Variants in PCGF5 observed in about 807,000 individuals in gnomAD.
PCGF5 encodes polycomb group ring finger 5, also known as polycomb group RING finger protein 5.
Under a neutral mutation model 44.3 loss-of-function variants are expected in PCGF5, and 9 were observed. The ratio of observed to expected loss-of-function variants is 0.20; its 90% CI spans 0.12 to 0.35. The LOEUF is 0.35. Among genes scored for constraint, PCGF5 ranks in the 10% least tolerant of loss-of-function variants. PCGF5 has a pLI of 1.00. For missense variants in PCGF5, 146 were observed against 305.3 expected (o/e 0.48, Z 3.89); for synonymous variants, 95 against 102.5 (o/e 0.93, Z 0.44).
At chr10:91,258,093 CA>C (rs1190957664) in intron 6 of PCGF5, among the ~76,000 whole-genome samples, 7 of 151,882 alleles carry the variant, frequency 4.6e-5, no homozygotes, top group African/African-American at 1.7e-4. Context: ...AATATCCAGA[CA>C]AGGATAAAGA....
At chr10:91,244,793 G>A (rs564377442) in intron 3 of PCGF5, among the ~76,000 whole-genome samples, 18 of 152,280 alleles carry the variant, frequency 1.2e-4, no homozygotes, top group African/African-American at 3.4e-4. Flanking sequence ...ATGACTTTAA[G>A]ATTTCTGACC....
At chr10:91,215,728 A>G (rs1212036624), upstream of PCGF5, among the ~76,000 whole-genome samples, 4 of 152,232 alleles carry the variant, frequency 2.6e-5, no homozygotes, top group Admixed American at 6.5e-5. Context: ...ATTCATTTGT[A>G]ACTGGCAGAG....
At chr10:91,172,881 C>T (rs767519082) in intron 1 of PCGF5, among the ~76,000 whole-genome samples, 24 of 152,176 alleles carry the variant, frequency 1.6e-4, no homozygotes, top group Non-Finnish European at 2.6e-4. Flanking sequence ...GGACTACTAG[C>T]TTTGAGATCC....
At chr10:91,189,187 C>A (rs1204943553) in intron 1 of PCGF5, among the ~76,000 whole-genome samples, 1 of 152,216 alleles carries the variant, frequency 6.6e-6, no homozygotes, top group African/African-American at 2.4e-5. Context: ...TCTTCTTTGC[C>A]TGGCAAAATC....
intron 7 of PCGF5, among the ~76,000 whole-genome samples, chr10:91,263,521 A>C (rs1005711891): frequency 6.6e-6 from 1 of 152,184 alleles, no homozygotes; most frequent in Non-Finnish European, 1.5e-5. Context: ...TTTAAAACTC[A>C]TTCTTCTTCC....
At chr10:91,179,870 T>A (rs187955539) in intron 1 of PCGF5, among the ~76,000 whole-genome samples, 1 of 152,350 alleles carries the variant, frequency 6.6e-6, no homozygotes, top group Non-Finnish European at 1.5e-5. Flanking sequence ...TACCCAGTAA[T>A]GGGATTGCTG....
chr10:91,191,221 G>T (rs1361323826), intron 1 of PCGF5, among the ~76,000 whole-genome samples: 1 of 152,166 alleles, frequency 6.6e-6, no homozygotes. Context: ...ATAACAATAT[G>T]CAAGCATCAC....
intron 1 of PCGF5, among the ~76,000 whole-genome samples, chr10:91,189,740 C>G (rs917007818): frequency 6.6e-6 from 1 of 152,172 alleles, no homozygotes; most frequent in Admixed American, 6.5e-5. Flanking sequence ...TCGCTTAGGC[C>G]TTCTTGCCTG....
At chr10:91,182,983 G>A (rs142498816) in intron 1 of PCGF5, among the ~76,000 whole-genome samples, 3 of 152,262 alleles carry the variant, frequency 2.0e-5, no homozygotes, top group African/African-American at 7.2e-5. Context: ...CCAAGAGACT[G>A]TTTGTTACTA....
intron 7 of PCGF5, among the ~76,000 whole-genome samples, chr10:91,263,064 T>C (rs1845961907): frequency 6.6e-6 from 1 of 152,218 alleles, no homozygotes; most frequent in African/African-American, 2.4e-5. Context: ...CCTCCTTATG[T>C]ATCCCAATGC....
At chr10:91,192,669 A>G (rs1844054433) in intron 1 of PCGF5, among the ~76,000 whole-genome samples, 1 of 152,230 alleles carries the variant, frequency 6.6e-6, no homozygotes, top group Admixed American at 6.5e-5. Context: ...TCAGGAAACG[A>G]CATACAATAA....
At chr10:91,193,439 TG>T (rs1032291888) in intron 1 of PCGF5, among the ~76,000 whole-genome samples, 3 of 90,652 alleles carry the variant, frequency 3.3e-5, no homozygotes, top group Non-Finnish European at 6.7e-5. Flanking sequence ...CTAAAAGGGA[TG>T]GGGGGGTGGG....
intron 6 of PCGF5, among the ~76,000 whole-genome samples, chr10:91,255,189 AT>A (rs1359956188): frequency 6.6e-6 from 1 of 152,118 alleles, no homozygotes; most frequent in East Asian, 1.9e-4. Context: ...GGAAAGGGGC[AT>A]TTGTCAAAAA....
chr10:91,179,480 C>T, intron 1 of PCGF5, among the ~76,000 whole-genome samples: 1 of 152,112 alleles, frequency 6.6e-6, no homozygotes, highest in East Asian at 1.9e-4. Flanking sequence ...GTTGTTTCTC[C>T]TGATCCTCTC....
At chr10:91,185,063 C>G (rs915450387) in intron 1 of PCGF5, among the ~76,000 whole-genome samples, 1 of 152,222 alleles carries the variant, frequency 6.6e-6, no homozygotes, top group African/African-American at 2.4e-5. Flanking sequence ...TAGGGGTACC[C>G]CCTCTGCCCC....
chr10:91,208,264 A>C (rs1319022496), intron 1 of PCGF5, among the ~76,000 whole-genome samples: 2 of 152,162 alleles, frequency 1.3e-5, no homozygotes, highest in Middle Eastern at 3.4e-3. Flanking sequence ...GGACTCATGG[A>C]TTATTTTCTT....
intron 3 of PCGF5, among the ~76,000 whole-genome samples, chr10:91,243,178 G>A (rs1023781162): frequency 2.6e-5 from 4 of 152,198 alleles, no homozygotes; most frequent in Non-Finnish European, 1.5e-5. Context: ...AGAGGCCTGA[G>A]TATACCAGGA....
chr10:91,159,777 A>G (rs1234174181), upstream of PCGF5, among the ~76,000 whole-genome samples: 1 of 152,192 alleles, frequency 6.6e-6, no homozygotes, highest in Non-Finnish European at 1.5e-5. Flanking sequence ...ACCCACAGAT[A>G]ATTCAAGGTC....
At position 91,282,266 on chromosome 10, in the gene PCGF5, C is replaced by T. The variant is rs1846473352; in HGVS notation, c.*3950C>T. 6.6e-6 allele frequency: 1 copy of T among 152,242 alleles called. No individual in the cohort carries two copies. The highest frequency in any genetic ancestry group is 6.5e-5 in the Admixed American group (1 of 15,274). The allele number at this position is 152,242 out of a possible 1,614,324, so 9.4% of individuals were successfully genotyped here. On this transcript the variant is annotated 3_prime_UTR_variant, in exon 10 of 10. Coordinates refer to ENST00000336126, the MANE Select transcript of PCGF5 (RefSeq NM_032373.5). ...TTGGGAGGCCAAGGCAGGTGGATCA[C>T]TTGAGGTCAGGAGTTCGAGACCAGC...
Sources: allele counts gnomAD v4.1 joint callset (sites outside exome capture counted in the v4.1 genomes callset), GRCh38; gene constraint gnomAD v4.1.1; transcripts MANE v1.5; gene names NCBI Gene and HGNC (gene_info 2026-07-23, HGNC 2026-07-21).